ADGRG6: variants seen among roughly 807,000 people sequenced by gnomAD.
The protein encoded by ADGRG6 is adhesion G protein-coupled receptor G6.
Under a neutral mutation model 142.4 loss-of-function variants are expected in ADGRG6, and 84 were observed. The observed-to-expected ratio is 0.59, with a 90% CI of 0.49 to 0.71. The LOEUF (loss-of-function observed/expected upper bound fraction) is 0.71, where lower values mean the gene tolerates loss of function less well. Among genes scored for constraint, ADGRG6 ranks in the 30% least tolerant of loss-of-function variants. The probability of loss-of-function intolerance (pLI) is 0.00; values close to 1 mark genes in which losing one functional copy is unlikely to be tolerated. For synonymous variants in ADGRG6, 521 were observed against 520.5 expected (o/e 1.00, Z -0.01); for missense variants, 1,367 against 1,466.6 (o/e 0.93, Z 1.11).
intron 12 of ADGRG6, 129 bp from the exon 13 acceptor site, chr6:142,402,491 T>TA (rs1301949110): frequency 1.6e-6 from 1 of 609,396 alleles, no homozygotes; most frequent in Non-Finnish European, 2.9e-6. Context: ...GGGGATGAGG[T>TA]ATACACAGGA....
chr6:142,415,708 G>C (rs1248158254), intron 19 of ADGRG6, 88 bp from the exon 20 acceptor site: 1 of 852,140 alleles, frequency 1.2e-6, no homozygotes, highest in African/African-American at 1.7e-5. Context: ...TTGCAGGGTT[G>C]TATAAGATAC....
chr6:142,381,092 T>G (rs1781748125), intron 4 of ADGRG6, among the ~76,000 whole-genome samples: 2 of 152,238 alleles, frequency 1.3e-5, no homozygotes, highest in African/African-American at 4.8e-5. Context: ...ATTTTCTGCT[T>G]ATGCATACCG....
intron 2 of ADGRG6, among the ~76,000 whole-genome samples, chr6:142,363,508 T>G (rs142870815): frequency 1.1e-4 from 17 of 152,340 alleles, no homozygotes; most frequent in African/African-American, 4.1e-4. Context: ...TTTGTAAGCA[T>G]AGGCAAGAAC....
chr6:142,307,641 C>T (rs1459556837), intron 1 of ADGRG6, among the ~76,000 whole-genome samples: 2 of 151,962 alleles, frequency 1.3e-5, no homozygotes, highest in Non-Finnish European at 2.9e-5. Flanking sequence ...ACAAACCACA[C>T]AGTTTATAGA....
At chr6:142,343,901 T>C (rs891638175) in intron 2 of ADGRG6, among the ~76,000 whole-genome samples, 2 of 151,922 alleles carry the variant, frequency 1.3e-5, no homozygotes, top group African/African-American at 4.8e-5. Flanking sequence ...CTTAGAAAAC[T>C]CCGTAGTATC....
intron 2 of ADGRG6, among the ~76,000 whole-genome samples, chr6:142,365,140 T>C (rs1460904122): frequency 6.6e-6 from 1 of 152,228 alleles, no homozygotes; most frequent in Admixed American, 6.5e-5. Context: ...TTCTGTCTCC[T>C]GAGCCCAAGG....
At chr6:142,337,768 G>A (rs1343839637) in intron 2 of ADGRG6, among the ~76,000 whole-genome samples, 1 of 151,830 alleles carries the variant, frequency 6.6e-6, no homozygotes, top group Non-Finnish European at 1.5e-5. Flanking sequence ...GCTAAGTCCA[G>A]CTCTATTTGG....
In ADGRG6 at chr6:142,444,700, A is replaced by G. The variant is rs1268694386; in HGVS notation, c.*1185A>G. On this transcript the variant is annotated 3_prime_UTR_variant, in exon 25 of 25. Coordinates refer to ENST00000367609, the MANE Select transcript of ADGRG6 (RefSeq NM_198569.3). ...ATTTATGGATCAGGCTGCTGCATAC[A>G]AACCTTGCATACTATTATGCAGCTT... 2.0e-5 allele frequency: 3 copies of G among 152,208 alleles called. No individual in the cohort carries two copies. Among genetic ancestry groups the G allele is most frequent in the Non-Finnish European group, 4.4e-5 (3 of 68,046 alleles). 9.4% of individuals were successfully genotyped at this position (152,208 alleles called of 1,614,324 possible).
chr6:142,412,622 A>G (rs1776141588), intron 18 of ADGRG6, among the ~76,000 whole-genome samples: 1 of 152,312 alleles, frequency 6.6e-6, no homozygotes, highest in African/African-American at 2.4e-5. Context: ...TATCTAAAAT[A>G]CAAATATTTT....
At chr6:142,360,655 A>C (rs189232945) in intron 2 of ADGRG6, among the ~76,000 whole-genome samples, 23 of 151,598 alleles carry the variant, frequency 1.5e-4, no homozygotes, top group Non-Finnish European at 2.7e-4. Context: ...CTTTTCTTTT[A>C]TTTATTTATT....
chr6:142,336,236 G>A (rs1309751219), intron 2 of ADGRG6, among the ~76,000 whole-genome samples: 1 of 152,160 alleles, frequency 6.6e-6, no homozygotes, highest in Non-Finnish European at 1.5e-5. Context: ...GACAGTGATT[G>A]TTGCTATTTT....
chr6:142,414,986 C>G lies in ADGRG6; in HGVS notation c.2559C>G (p.Ala853=). The G allele has an allele frequency of 6.2e-7, 1 of 1,611,160 alleles. No homozygotes were observed. The highest frequency in any genetic ancestry group is 8.5e-7 in the Non-Finnish European group (1 of 1,178,540). Residue 853 remains alanine (A), a synonymous_variant, in exon 19 of 25, where the codon GCC becomes GCG. Transcript: ENST00000367609. ...TTATGTAGGACCTTCCAAGAAGTGCCTCACAGTTAGATGCAAGAAACACTA... is the reference window on the plus strand; with the variant it reads ...TTATGTAGGACCTTCCAAGAAGTGCGTCACAGTTAGATGCAAGAAACACTA... ...FGVLMDLPRS[A]SQLDARNTKV... is the part of the protein sequence containing the mutation.
At chr6:142,356,564 T>C (rs913191442) in intron 2 of ADGRG6, among the ~76,000 whole-genome samples, 5 of 152,180 alleles carry the variant, frequency 3.3e-5, no homozygotes, top group African/African-American at 1.2e-4. Flanking sequence ...CTCCTTTCCT[T>C]AGTGAAGCAT....
Position 142,302,019 on chromosome 6 carries a change from G to A in ADGRG6, c.-311G>A, listed in dbSNP as rs1425771484. ...ACCCCTGCCTGGCCCGGTCTCCTCA[G>A]CACCAGCCCCACGCACACCCTACTT... On this transcript the variant is annotated 5_prime_UTR_variant, in exon 1 of 25. Coordinates refer to ENST00000367609, the MANE Select transcript of ADGRG6 (RefSeq NM_198569.3). The A allele has an allele frequency of 6.2e-6, 3 of 480,796 alleles. No individual in the cohort carries two copies. Among genetic ancestry groups the A allele is most frequent in the Non-Finnish European group, 1.1e-5 (3 of 274,962 alleles). The allele number at this position is 480,796 out of a possible 1,614,324, so 29.8% of individuals were successfully genotyped here.
intron 4 of ADGRG6, among the ~76,000 whole-genome samples, chr6:142,371,737 G>C (rs1781271695): frequency 6.6e-6 from 1 of 151,850 alleles, no homozygotes; most frequent in Non-Finnish European, 1.5e-5. Flanking sequence ...GGCCCACCTT[G>C]GCCTCCCAAA....
intron 1 of ADGRG6, among the ~76,000 whole-genome samples, chr6:142,307,570 CT>C (rs769258362): frequency 6.6e-6 from 1 of 151,868 alleles, no homozygotes; most frequent in Non-Finnish European, 1.5e-5. Flanking sequence ...ATTTCCAGTT[CT>C]TTTTGGTGGG....
intron 21 of ADGRG6, among the ~76,000 whole-genome samples, chr6:142,418,100 G>C (rs1776460480): frequency 1.3e-5 from 2 of 151,960 alleles, no homozygotes; most frequent in African/African-American, 2.4e-5. Flanking sequence ...TTTGAGATCA[G>C]CCTGGCCAAC....
At chr6:142,351,074 AAAAG>A (rs1349212066) in intron 2 of ADGRG6, among the ~76,000 whole-genome samples, 1 of 151,946 alleles carries the variant, frequency 6.6e-6, no homozygotes. Flanking sequence ...TCTCTACTAA[AAAAG>A]AAAATACAAA....
chr6:142,365,653 G>C (rs1014484606), intron 2 of ADGRG6, among the ~76,000 whole-genome samples: 5 of 152,174 alleles, frequency 3.3e-5, no homozygotes, highest in Non-Finnish European at 5.9e-5. Context: ...TCCATTGTCT[G>C]TCTTCGGTCT....
Sources: allele counts gnomAD v4.1 joint callset (sites outside exome capture counted in the v4.1 genomes callset), GRCh38; gene constraint gnomAD v4.1.1; transcripts MANE v1.5; gene names NCBI Gene and HGNC (gene_info 2026-07-23, HGNC 2026-07-21).